RNF6: variants seen among roughly 807,000 people sequenced by gnomAD.
The protein encoded by RNF6 is ring finger protein 6, also known as E3 ubiquitin-protein ligase RNF6.
Under a neutral mutation model 50.1 loss-of-function variants are expected in RNF6, and 21 were observed. That is an observed-to-expected ratio of 0.42 (90% confidence interval 0.30 to 0.60). The LOEUF (loss-of-function observed/expected upper bound fraction) is 0.60. Among genes scored for constraint, RNF6 ranks in the 20% least tolerant of loss-of-function variants. The pLI is 0.20. For missense variants in RNF6, 698 were observed against 838.2 expected (o/e 0.83, Z 2.07); for synonymous variants, 255 against 291.8 (o/e 0.87, Z 1.29).
At chr13:26,212,590 T>C (rs567808241), downstream of RNF6, among the ~76,000 whole-genome samples, 16 of 151,918 alleles carry the variant, frequency 1.1e-4, no homozygotes, top group Admixed American at 2.6e-4. Flanking sequence ...AGAATAATAA[T>C]TCACTTTATC....
intron 5 of RNF6, among the ~76,000 whole-genome samples, chr13:26,142,695 G>T (rs947494654): frequency 1.3e-5 from 2 of 152,098 alleles, no homozygotes; most frequent in Non-Finnish European, 2.9e-5. Flanking sequence ...CATAAGATGG[G>T]AACGATAGAC....
At chr13:26,211,651 C>T (rs1869330001), downstream of RNF6, among the ~76,000 whole-genome samples, 3 of 151,910 alleles carry the variant, frequency 2.0e-5, no homozygotes, top group Admixed American at 2.0e-4. Context: ...CCTGCTACTC[C>T]GGAGGCTGAG....
At chr13:26,148,632 T>TATATATATATA (rs1427060316) in intron 5 of RNF6, among the ~76,000 whole-genome samples, 2 of 47,086 alleles carry the variant, frequency 4.2e-5, no homozygotes, top group African/African-American at 1.1e-4. Context: ...ATAAATCTCT[T>TATATATATATA]TATATATATA....
At chr13:26,199,304 C>G (rs113773605) in intron 5 of RNF6, among the ~76,000 whole-genome samples, 4,442 of 152,218 alleles carry the variant, frequency 0.029, 239 homozygotes, top group African/African-American at 0.1. Context: ...GCTGCTGGTA[C>G]AAATGGATAT....
chr13:26,175,228 A>G (rs1259058821), intron 5 of RNF6, among the ~76,000 whole-genome samples: 4 of 152,088 alleles, frequency 2.6e-5, no homozygotes, highest in African/African-American at 7.2e-5. Flanking sequence ...CTACAGGTGC[A>G]CACCACCATG....
intron 5 of RNF6, among the ~76,000 whole-genome samples, chr13:26,175,218 C>T (rs937597992): frequency 2.6e-5 from 4 of 152,120 alleles, no homozygotes; most frequent in African/African-American, 4.8e-5. Flanking sequence ...GTAGCTGGGA[C>T]TACAGGTGCA....
chr13:26,140,449 C>A (rs1251012595), intron 5 of RNF6, among the ~76,000 whole-genome samples: 1 of 152,124 alleles, frequency 6.6e-6, no homozygotes, highest in Non-Finnish European at 1.5e-5. Flanking sequence ...ATCCAACATC[C>A]CTTCATGATA....
intron 5 of RNF6, among the ~76,000 whole-genome samples, chr13:26,170,011 T>C (rs8000254): frequency 0.028 from 4,313 of 152,258 alleles, 96 homozygotes; most frequent in Middle Eastern, 0.088. Flanking sequence ...GGGATTTTTC[T>C]TTTTTTGCAA....
rs374122402 is a variant in RNF6, at chr13:26,161,480, C to T, written n.769-29029G>A. Among the ~76,000 whole-genome samples the T allele has an allele frequency of 1.2e-4, 19 of 152,114 alleles. No homozygotes were observed. The East Asian group carries it at 3.3e-3, about 26-fold the overall frequency. ...TGAAGTCTCTTCATTTATTTAGGTC[C>T]CCTTTGTGTCCTGCAGTAAAATGTT... On this transcript the variant is annotated intron_variant and non_coding_transcript_variant, in intron 5 of 5. Transcript: ENST00000468480.
chr13:26,149,920 G>GTA (rs10690747), intron 5 of RNF6, among the ~76,000 whole-genome samples: 18,897 of 32,216 alleles, frequency 0.59, 7,613 homozygotes, highest in East Asian at 0.93. Flanking sequence ...TATATAATGT[G>GTA]TATATATATA....
At chr13:26,192,005 T>A (rs1868483385) in intron 5 of RNF6, among the ~76,000 whole-genome samples, 1 of 152,190 alleles carries the variant, frequency 6.6e-6, no homozygotes, top group African/African-American at 2.4e-5. Flanking sequence ...AATGGGAGCA[T>A]GTTTTTTGAG....
intron 5 of RNF6, among the ~76,000 whole-genome samples, chr13:26,147,407 G>A (rs1871306584): frequency 6.6e-6 from 1 of 152,214 alleles, no homozygotes; most frequent in Admixed American, 6.5e-5. Context: ...GGAATGTTAG[G>A]TTAATATTTT....
At position 26,134,359 on chromosome 13, in the gene RNF6, CG is replaced by C. The variant is rs1870540813; in HGVS notation, n.769-1909del. On this transcript the variant is annotated intron_variant and non_coding_transcript_variant, in intron 5 of 5. Coordinates refer to the RNF6 transcript ENST00000468480. ...TTGAGGCTCCCTACTCGGCCTTTGCCGGCATGGGTGAGCGTGAGGCCACATT... is the reference window on the plus strand; with the variant it reads ...TTGAGGCTCCCTACTCGGCCTTTGCCGCATGGGTGAGCGTGAGGCCACATT... 2.0e-5 allele frequency among the ~76,000 whole-genome samples: 3 copies of C among 152,352 alleles called. No individual in the cohort carries two copies. The South Asian group carries it at 6.2e-4, about 32-fold the overall frequency.
In RNF6 at chr13:26,159,178, A is replaced by C. The variant is rs187676873; in HGVS notation, n.769-26727T>G. Among the ~76,000 whole-genome samples, 208 of 152,308 alleles carry C rather than the reference A, an allele frequency of 1.4e-3. 2 individuals are homozygous for C. The highest frequency in any genetic ancestry group is 4.8e-3 in the African/African-American group (198 of 41,566). On this transcript the variant is annotated intron_variant and non_coding_transcript_variant, in intron 5 of 5. Transcript: ENST00000468480. ...TTAGTGTAAACATTGTGAGTTTTAGATACATAAAATTCAGGGACATTATAT... is the reference window on the plus strand; with the variant it reads ...TTAGTGTAAACATTGTGAGTTTTAGCTACATAAAATTCAGGGACATTATAT...
At chr13:26,219,342 T>A in intron 3 of RNF6, 115 bp downstream of exon 3, 4 of 878,524 alleles carry the variant, frequency 4.6e-6, no homozygotes, top group Non-Finnish European at 6.7e-6. Context: ...ACAAAAACAA[T>A]ATACTATATT....
intron 5 of RNF6, among the ~76,000 whole-genome samples, chr13:26,174,920 C>G (rs1249298353): frequency 1.3e-5 from 2 of 152,126 alleles, no homozygotes; most frequent in Admixed American, 1.3e-4. Context: ...CTCTAACGGC[C>G]TCGGTTGAAC....
At chr13:26,184,368 G>A (rs1250633827) in intron 5 of RNF6, among the ~76,000 whole-genome samples, 1 of 152,062 alleles carries the variant, frequency 6.6e-6, no homozygotes, top group Non-Finnish European at 1.5e-5. Context: ...CCTCAGTTTA[G>A]CCTCTGCATA....
At chr13:26,209,692 T>C (rs1441924680), downstream of RNF6, among the ~76,000 whole-genome samples, 1 of 152,176 alleles carries the variant, frequency 6.6e-6, no homozygotes, top group Non-Finnish European at 1.5e-5. Flanking sequence ...TGAGCACATT[T>C]GGAATTGCAC....
rs150782738 is a variant in RNF6, at chr13:26,139,073, C to G, written n.769-6622G>C. The stretch of plus-strand genomic sequence containing the variant: ...TCGACATCTTAAAATTCTTTGCTGT[C>G]CAGAGAGAGATTGTCTTTCCCAGGG... On this transcript the variant is annotated intron_variant and non_coding_transcript_variant, in intron 5 of 5. Transcript: ENST00000468480. Among the ~76,000 whole-genome samples the G allele has an allele frequency of 3.0e-3, 451 of 152,228 alleles. 2 individuals are homozygous for G. The highest frequency in any genetic ancestry group is 0.019 in the South Asian group (91 of 4,810).
Sources: allele counts gnomAD v4.1 joint callset (sites outside exome capture counted in the v4.1 genomes callset), GRCh38; gene constraint gnomAD v4.1.1; transcripts MANE v1.5; gene names NCBI Gene and HGNC (gene_info 2026-07-23, HGNC 2026-07-21).